Variants in HCN1 observed in about 807,000 individuals in gnomAD.
HCN1 encodes the protein hyperpolarization activated cyclic nucleotide gated potassium channel 1.
In HCN1, 13 loss-of-function variants were observed where a neutral mutation model predicts 78.9. That is an observed-to-expected ratio of 0.16 (90% CI 0.11 to 0.26). HCN1 has a LOEUF of 0.26. HCN1 is among the 10% of genes least tolerant of loss of function. HCN1 has a pLI of 1.00. For missense variants in HCN1, 810 were observed against 1,154.3 expected (o/e 0.70, Z 4.32); for synonymous variants, 552 against 455.5 (o/e 1.21, Z -2.70).
chr5:45,433,541 T>C (rs1740505674), intron 3 of HCN1, among the ~76,000 whole-genome samples: 1 of 152,062 alleles, frequency 6.6e-6, no homozygotes, highest in Non-Finnish European at 1.5e-5. Flanking sequence ...TGGCACTCTG[T>C]GCCTTTTAAT....
chr5:45,680,748 T>C (rs1739687238), intron 1 of HCN1, among the ~76,000 whole-genome samples: 1 of 152,144 alleles, frequency 6.6e-6, no homozygotes, highest in Admixed American at 6.6e-5. Context: ...CCCCTTCCTT[T>C]TTATTGTGAG....
At chr5:45,278,506 T>C (rs1745106336) in intron 6 of HCN1, among the ~76,000 whole-genome samples, 1 of 152,106 alleles carries the variant, frequency 6.6e-6, no homozygotes, top group African/African-American at 2.4e-5. Flanking sequence ...TTGATTTTTT[T>C]CCCACTCCAA....
At chr5:45,418,406 G>A (rs1213548532) in intron 3 of HCN1, among the ~76,000 whole-genome samples, 2 of 148,904 alleles carry the variant, frequency 1.3e-5, no homozygotes, top group Non-Finnish European at 3.0e-5. Context: ...GCTCAGATGA[G>A]CTCTGTGATA....
intron 1 of HCN1, among the ~76,000 whole-genome samples, chr5:45,694,019 A>C (rs1302696467): frequency 6.6e-6 from 1 of 152,238 alleles, no homozygotes; most frequent in African/African-American, 2.4e-5. Context: ...TGAGGAAAAG[A>C]TAATATTCTA....
At chr5:45,277,912 A>T (rs1042392670) in intron 6 of HCN1, among the ~76,000 whole-genome samples, 5 of 152,132 alleles carry the variant, frequency 3.3e-5, no homozygotes, top group African/African-American at 1.2e-4. Flanking sequence ...GAGAATGATA[A>T]ATCCCCAAAG....
chr5:45,354,080 G>T (rs1434308870), intron 4 of HCN1, among the ~76,000 whole-genome samples: 1 of 151,558 alleles, frequency 6.6e-6, no homozygotes, highest in African/African-American at 2.4e-5. Context: ...TTTGTAAGTA[G>T]CATCCCTGCA....
chr5:45,469,100 C>G (rs552467255), intron 2 of HCN1, among the ~76,000 whole-genome samples: 57 of 151,806 alleles, frequency 3.8e-4, no homozygotes, highest in Non-Finnish European at 7.5e-4. Flanking sequence ...TAAAATATCA[C>G]CTATTTTAAT....
rs1745537440 is a variant in HCN1, at chr5:45,645,810, G to A, written c.426-202C>T. ...ATATATTCTTAAACCAAGGCATTAT[G>A]ATTATGGAATTCTAAAAATTATGTG... is the stretch of plus-strand genomic sequence containing the variant. On this transcript the variant is annotated intron_variant, in intron 1 of 7. Coordinates refer to ENST00000303230, the MANE Select transcript of HCN1 (RefSeq NM_021072.4). Among the ~76,000 whole-genome samples the A allele has an allele frequency of 2.0e-5, 3 of 152,036 alleles. No individual in the cohort carries two copies. The East Asian group carries it at 5.8e-4, about 29-fold the overall frequency.
At chr5:45,642,847 G>T (rs1007477156) in intron 2 of HCN1, 1 of 152,022 alleles carries the variant, frequency 6.6e-6, no homozygotes, top group South Asian at 2.1e-4. Flanking sequence ...TTAAATTCTG[G>T]ATTATGACTC....
chr5:45,319,261 T>G lies in HCN1; in HGVS notation c.1378-15422A>C, dbSNP rs910698042. 1.1e-4 allele frequency among the ~76,000 whole-genome samples: 16 copies of G among 152,062 alleles called. No individual in the cohort carries two copies. In the South Asian group the frequency reaches 2.3e-3, roughly 22 times the overall value. ...AGAATAAGCACATACTTCACTACAG[T>G]TGCTGCCAAAAGTTTTCCTGGATGC... On this transcript the variant is annotated intron_variant, in intron 5 of 7. Transcript: ENST00000303230.
chr5:45,324,046 C>A (rs1001740276), intron 5 of HCN1, among the ~76,000 whole-genome samples: 1 of 151,670 alleles, frequency 6.6e-6, no homozygotes, highest in Non-Finnish European at 1.5e-5. Flanking sequence ...TTTATAGCTG[C>A]ATGATTTATA....
chr5:45,582,657 T>C (rs190456857), intron 2 of HCN1, among the ~76,000 whole-genome samples: 2,433 of 152,306 alleles, frequency 0.016, 31 homozygotes, highest in Non-Finnish European at 0.025. Flanking sequence ...GGCTGTGGGT[T>C]TGTCATAGAT....
chr5:45,526,134 T>C (rs946570804), intron 2 of HCN1, among the ~76,000 whole-genome samples: 21 of 152,014 alleles, frequency 1.4e-4, no homozygotes, highest in Non-Finnish European at 2.9e-5. Flanking sequence ...ACCCACTGTG[T>C]GGTAATTTGT....
chr5:45,317,339 G>A lies in HCN1; in HGVS notation c.1378-13500C>T, dbSNP rs190681686. Among the ~76,000 whole-genome samples, 476 of 152,252 alleles carry A rather than the reference G, an allele frequency of 3.1e-3. 1 individual carries two copies. Among genetic ancestry groups the A allele is most frequent in the African/African-American group, 0.011 (446 of 41,556 alleles). ...GGAAAGGATTCCCTATTTAATAAAC[G>A]GTGCTAGGAAAACTGGCTAGTCATA... is the stretch of plus-strand genomic sequence containing the variant. On this transcript the variant is annotated intron_variant, in intron 5 of 7. Coordinates refer to ENST00000303230, the MANE Select transcript of HCN1 (RefSeq NM_021072.4).
chr5:45,651,495 A>C (rs1260571876), intron 1 of HCN1, among the ~76,000 whole-genome samples: 4 of 152,036 alleles, frequency 2.6e-5, no homozygotes, highest in Non-Finnish European at 5.9e-5. Context: ...TGCATAAATA[A>C]ACAAATAAAT....
chr5:45,267,309 C>T, intron 6 of HCN1, 56 bp from the exon 7 acceptor site: 1 of 1,522,276 alleles, frequency 6.6e-7, no homozygotes. Context: ...CTTTTAAAAG[C>T]CATTAAGGCT....
At chr5:45,689,401 T>A (rs1488465527) in intron 1 of HCN1, among the ~76,000 whole-genome samples, 1 of 152,088 alleles carries the variant, frequency 6.6e-6, no homozygotes, top group Non-Finnish European at 1.5e-5. Flanking sequence ...ATTCATAAGG[T>A]AGCATGGTTT....
chr5:45,485,054 T>G (rs1394220612), intron 2 of HCN1, among the ~76,000 whole-genome samples: 4 of 152,200 alleles, frequency 2.6e-5, no homozygotes, highest in Non-Finnish European at 5.9e-5. Context: ...ACATATGCCC[T>G]AATTTCCTGA....
At position 45,366,129 on chromosome 5, in the gene HCN1, A is replaced by G. The variant is rs1295585283; in HGVS notation, c.1231-12883T>C. Among the ~76,000 whole-genome samples, 6 of 151,304 alleles carry G rather than the reference A, an allele frequency of 4.0e-5. No individual in the cohort carries two copies. In the East Asian group the frequency reaches 1.2e-3, roughly 29 times the overall value. ...TTAAAATGATGCAAATATTTTGAAA[A>G]TGTGGGTGCACTGATTGTTGTTACA... On this transcript the variant is annotated intron_variant, in intron 4 of 7. Coordinates refer to ENST00000303230, the MANE Select transcript of HCN1 (RefSeq NM_021072.4).
Sources: allele counts gnomAD v4.1 joint callset (sites outside exome capture counted in the v4.1 genomes callset), GRCh38; gene constraint gnomAD v4.1.1; transcripts MANE v1.5; gene names NCBI Gene and HGNC (gene_info 2026-07-23, HGNC 2026-07-21).